The following EIF5A2 variants were observed in gnomAD, a reference collection of about 807,000 sequenced individuals.
The protein encoded by EIF5A2 is eukaryotic translation initiation factor 5A-2.
EIF5A2 carries 15 observed loss-of-function variants against 16.4 expected under a neutral mutation model. That is an observed-to-expected ratio of 0.92 (90% CI 0.61 to 1.41). EIF5A2 has a LOEUF of 1.41. EIF5A2 is among the 40% of genes most tolerant of loss of function. EIF5A2 has a pLI of 0.00. For missense variants in EIF5A2, 144 were observed against 189.5 expected (o/e 0.76, Z 1.41); for synonymous variants, 48 against 61.1 (o/e 0.79, Z 1.00).
Position 170,894,273 on chromosome 3 carries a change from T to A in EIF5A2, c.402+19A>T, listed in dbSNP as rs1420766431. 1.2e-6 allele frequency: 2 copies of A among 1,607,194 alleles called. No individual in the cohort carries two copies. The highest frequency in any genetic ancestry group is 1.7e-6 in the Non-Finnish European group (2 of 1,176,496). On this transcript the variant is annotated intron_variant, in intron 4 of 4. Coordinates refer to ENST00000295822, the MANE Select transcript of EIF5A2 (RefSeq NM_020390.6). ...TTTATAAAATGGTTTTCAAAAATAA[T>A]CCTTCTCTAAGTCTTTACCTGTACA...
Position 170,907,581 on chromosome 3 carries a change from G to A in EIF5A2, c.165+61C>T, listed in dbSNP as rs1712970117. 4.2e-6 allele frequency: 6 copies of A among 1,443,864 alleles called. No individual in the cohort carries two copies. The East Asian group carries it at 9.5e-5, about 23-fold the overall frequency. The allele number at this position is 1,443,864 out of a possible 1,614,324, so 89.4% of individuals were successfully genotyped here. On this transcript the variant is annotated intron_variant, in intron 2 of 4. Coordinates refer to ENST00000295822, the MANE Select transcript of EIF5A2 (RefSeq NM_020390.6). ...GTATAGAAATCTCATGATCTGTAACGGAATACAAATGATCAAAGTCCCAAC... is the reference window on the plus strand; with the variant it reads ...GTATAGAAATCTCATGATCTGTAACAGAATACAAATGATCAAAGTCCCAAC...
Position 170,889,986 on chromosome 3 carries a change from A to G in EIF5A2, c.*3374T>C, listed in dbSNP as rs1341980624. The G allele has an allele frequency of 6.6e-6, 1 of 152,536 alleles. No homozygotes were observed. The highest frequency in any genetic ancestry group is 1.5e-5 in the Non-Finnish European group (1 of 67,952). 9.4% of individuals were successfully genotyped at this position (152,536 alleles called of 1,614,324 possible). On this transcript the variant is annotated 3_prime_UTR_variant, in exon 5 of 5. Transcript: ENST00000295822. ...ATTAAGGATTTTTTTATATGCATGTATCACAGTTATTACAATTTGGGAAAA... is the reference window on the plus strand; with the variant it reads ...ATTAAGGATTTTTTTATATGCATGTGTCACAGTTATTACAATTTGGGAAAA...
At position 170,889,071 on chromosome 3, in the gene EIF5A2, T is replaced by TTTTTTG. The variant is rs55706439; in HGVS notation, c.*4288_*4289insCAAAAA. On this transcript the variant is annotated 3_prime_UTR_variant, in exon 5 of 5. Transcript: ENST00000295822. ...GTCTTTTTTTTTTTTTTTTTTTTTT[T>TTTTTTG]GTAAAATAGGTTTCTACCTGTTCTA... 3 of 123,172 alleles carry TTTTTTG rather than the reference T, an allele frequency of 2.4e-5. No individual in the cohort carries two copies. The highest frequency in any genetic ancestry group is 9.0e-5 in the African/African-American group (3 of 33,442). The allele number at this position is 123,172 out of a possible 1,614,324, so 7.6% of individuals were successfully genotyped here.
intron 3 of EIF5A2, among the ~76,000 whole-genome samples, chr3:170,905,857 T>G: frequency 6.6e-6 from 1 of 151,992 alleles, no homozygotes; most frequent in East Asian, 1.9e-4. Flanking sequence ...AACTAGAAAG[T>G]GACAGAACTA....
chr3:170,907,708 G>C lies in EIF5A2; in HGVS notation c.99C>G (p.Leu33=), dbSNP rs765812427. 1.9e-6 allele frequency: 3 copies of C among 1,611,250 alleles called. No homozygotes were observed. The highest frequency in any genetic ancestry group is 1.7e-5 in the Admixed American group (1 of 59,966). Residue 33 remains leucine, a synonymous_variant, in exon 2 of 5, where the codon CTC becomes CTG. Coordinates refer to ENST00000295822, the MANE Select transcript of EIF5A2 (RefSeq NM_020390.6). ...CCACTATTTTGCATGGTCGTCCTTT[G>C]AGCACCACGAAGCCGTTTTTGCGCA... The part of the protein sequence containing the change: ...SALRKNGFVV[L]KGRPCKIVEM...
In EIF5A2 at chr3:170,894,378, C is replaced by T. The variant is rs1303705441; in HGVS notation, c.316G>A (p.Gly106Ser). 1 of 1,613,954 alleles carries T rather than the reference C, an allele frequency of 6.2e-7. No individual in the cohort carries two copies. The highest frequency in any genetic ancestry group is 8.5e-7 in the Non-Finnish European group (1 of 1,179,956). ...DGYLSLLTETGEVREDLKLPE... is the reference protein window; with the variant it reads ...DGYLSLLTETSEVREDLKLPE... The stretch of plus-strand genomic sequence containing the variant: ...AGTTTAAGATCCTCACGAACTTCAC[C>T]AGTTTCTGTCAGCAGGGAAAGGTAA... The change falls in exon 4 of 5, where the codon GGT becomes AGT. Residue 106 changes from glycine (G) to serine (S), a missense_variant. Coordinates refer to ENST00000295822, the MANE Select transcript of EIF5A2 (RefSeq NM_020390.6).
rs981560114 is a variant in EIF5A2 at position 170,889,466 on chromosome 3, A to G, written c.*3894T>C. On this transcript the variant is annotated 3_prime_UTR_variant, in exon 5 of 5. Coordinates refer to ENST00000295822, the MANE Select transcript of EIF5A2 (RefSeq NM_020390.6). ...CAATTTTTAAGGTTTTCCACCATAA[A>G]TTTTTCTTAAATCTTTGTTGCCTGT... is the stretch of plus-strand genomic sequence containing the variant. 1 of 152,182 alleles carries G rather than the reference A, an allele frequency of 6.6e-6. No individual in the cohort carries two copies. The highest frequency in any genetic ancestry group is 2.1e-4 in the South Asian group (1 of 4,822). 9.4% of individuals were successfully genotyped at this position (152,182 alleles called of 1,614,324 possible).
chr3:170,907,910 A>C, intron 1 of EIF5A2, 69 bp from the exon 2 acceptor site: 1 of 1,248,856 alleles, frequency 8.0e-7, no homozygotes, highest in Non-Finnish European at 1.1e-6. Flanking sequence ...CATTTCGGAC[A>C]AGTTATGTGC....
intron 3 of EIF5A2, among the ~76,000 whole-genome samples, chr3:170,898,300 T>C (rs1429302240): frequency 6.6e-6 from 1 of 152,062 alleles, no homozygotes; most frequent in Non-Finnish European, 1.5e-5. Flanking sequence ...GAACATGAGA[T>C]TTGGAAGGGG....
At chr3:170,894,489 AG>A in intron 3 of EIF5A2, 66 bp from the exon 4 acceptor site, 1 of 1,440,860 alleles carries the variant, frequency 6.9e-7, no homozygotes, top group Non-Finnish European at 9.6e-7. Flanking sequence ...ATGCTTACAT[AG>A]TTAAATTGCA....
chr3:170,906,979 C>T lies in EIF5A2; in HGVS notation c.270+10G>A. The T allele has an allele frequency of 6.5e-7, 1 of 1,539,168 alleles. No homozygotes were observed. The highest frequency in any genetic ancestry group is 8.9e-7 in the Non-Finnish European group (1 of 1,122,072). On this transcript the variant is annotated intron_variant, in intron 3 of 4. Coordinates refer to ENST00000295822, the MANE Select transcript of EIF5A2 (RefSeq NM_020390.6). ...AAACAAGCAACATTCTAAAGAAAAT[C>T]AGTGCTTACTTGATAATCATTTCTC...
rs748111786 is a variant in EIF5A2 at position 170,895,025 on chromosome 3, C to CAAAAA, written c.271-607_271-603dup. Among the ~76,000 whole-genome samples, 239 of 60,772 alleles carry CAAAAA rather than the reference C, an allele frequency of 3.9e-3. 5 individuals are homozygous for CAAAAA. Among genetic ancestry groups the CAAAAA allele is most frequent in the Middle Eastern group, 8.9e-3 (1 of 112 alleles). 39.9% of individuals were successfully genotyped at this position (60,772 alleles called of 152,430 possible). On this transcript the variant is annotated intron_variant, in intron 3 of 4. Coordinates refer to ENST00000295822, the MANE Select transcript of EIF5A2 (RefSeq NM_020390.6). The stretch of plus-strand genomic sequence containing the variant: ...TGGGCGACAGAGCGAGACTCTGTCT[C>CAAAAA]AAAAAAAAAAAAAAAAAAAAAAGAG...
In EIF5A2 at chr3:170,907,018, C is replaced by G. The variant is rs1026692893; in HGVS notation, c.241G>C (p.Val81Leu). The G allele has an allele frequency of 3.1e-6, 5 of 1,608,684 alleles. No homozygotes were observed. Among genetic ancestry groups the G allele is most frequent in the Non-Finnish European group, 4.2e-6 (5 of 1,177,242 alleles). The change falls in exon 3 of 5, where the codon GTT becomes CTT. Residue 81 changes from valine (V) to leucine (L), a missense_variant. Coordinates refer to ENST00000295822, the MANE Select transcript of EIF5A2 (RefSeq NM_020390.6). ...DICPSTHNMD[V>L]PNIKRNDYQL... ...TAATCATTTCTCTTAATATTTGGAA[C>G]ATCCATGTTGTGAGTAGAAGGACAA...
chr3:170,907,206 C>T, intron 2 of EIF5A2, 113 bp from the exon 3 acceptor site: 1 of 630,284 alleles, frequency 1.6e-6, no homozygotes, highest in Non-Finnish European at 2.6e-6. Flanking sequence ...CTCCTCCTTC[C>T]AAGGTCATCT....
intron 3 of EIF5A2, among the ~76,000 whole-genome samples, chr3:170,897,124 T>C (rs1470859095): frequency 6.6e-6 from 1 of 152,160 alleles, no homozygotes; most frequent in Non-Finnish European, 1.5e-5. Context: ...CTGGCTTTTT[T>C]TGAAAGTGTA....
rs533461041 is a variant in EIF5A2 at position 170,892,035 on chromosome 3, A to C, written c.*1325T>G. On this transcript the variant is annotated 3_prime_UTR_variant, in exon 5 of 5. Coordinates refer to ENST00000295822, the MANE Select transcript of EIF5A2 (RefSeq NM_020390.6). Reference sequence around the variant, plus strand: ...TGATTCACTTTAATTCACTTTAGGAAAAAAAGGACATAAAATTAACAAAAA... The same window carrying C: ...TGATTCACTTTAATTCACTTTAGGACAAAAAGGACATAAAATTAACAAAAA... 3 of 152,744 alleles carry C rather than the reference A, an allele frequency of 2.0e-5. No individual in the cohort carries two copies. In the East Asian group the frequency reaches 5.8e-4, roughly 29 times the overall value. 9.5% of individuals were successfully genotyped at this position (152,744 alleles called of 1,614,324 possible). A position where few individuals can be genotyped will look rare whatever the true frequency, so the allele number is the denominator to read the frequency against.
Position 170,903,794 on chromosome 3 carries a change from A to T in EIF5A2, c.270+3195T>A, listed in dbSNP as rs12497044. Among the ~76,000 whole-genome samples the T allele has an allele frequency of 1.4e-3, 220 of 152,360 alleles. 2 individuals are homozygous for T. Among genetic ancestry groups the T allele is most frequent in the Admixed American group, 0.014 (210 of 15,308 alleles). ...ATGATATACTACTTATTTGAATTCAATTAACATATCTAAACATTCAAATAA... is the reference window on the plus strand; with the variant it reads ...ATGATATACTACTTATTTGAATTCATTTAACATATCTAAACATTCAAATAA... On this transcript the variant is annotated intron_variant, in intron 3 of 4. Transcript: ENST00000295822.
At position 170,890,267 on chromosome 3, in the gene EIF5A2, T is replaced by C. The variant is rs1269512605; in HGVS notation, c.*3093A>G. ...AAAAAAGAACTAACATATAAAGTTA[T>C]GTGCGCACATGTGCACATGCAAATT... On this transcript the variant is annotated 3_prime_UTR_variant, in exon 5 of 5. Coordinates refer to ENST00000295822, the MANE Select transcript of EIF5A2 (RefSeq NM_020390.6). 6.6e-6 allele frequency: 1 copy of C among 152,172 alleles called. No homozygotes were observed. Among genetic ancestry groups the C allele is most frequent in the Non-Finnish European group, 1.5e-5 (1 of 67,972 alleles). 9.4% of individuals were successfully genotyped at this position (152,172 alleles called of 1,614,324 possible).
chr3:170,907,889 G>A, intron 1 of EIF5A2, 48 bp from the exon 2 acceptor site: 1 of 1,372,384 alleles, frequency 7.3e-7, no homozygotes, highest in East Asian at 2.4e-5. Flanking sequence ...TATGTAGGCA[G>A]GGAAACGTCT....
Sources: allele counts gnomAD v4.1 joint callset (sites outside exome capture counted in the v4.1 genomes callset), GRCh38; gene constraint gnomAD v4.1.1; transcripts MANE v1.5; gene names NCBI Gene and HGNC (gene_info 2026-07-23, HGNC 2026-07-21).